FBXL19: variants seen among roughly 807,000 people sequenced by gnomAD.
FBXL19 encodes the protein F-box/LRR-repeat protein 19.
A neutral mutation model predicts 71.2 loss-of-function variants in FBXL19; 16 were observed. The observed-to-expected ratio is 0.22, with a 90% CI of 0.15 to 0.34. The LOEUF (loss-of-function observed/expected upper bound fraction) is 0.34. Among genes scored for constraint, FBXL19 ranks in the 10% least tolerant of loss-of-function variants. The pLI is 1.00. For synonymous variants in FBXL19, 447 were observed against 409.4 expected (o/e 1.09, Z -1.11); for missense variants, 658 against 968.2 (o/e 0.68, Z 4.25).
At chr16:30,943,532 G>A (rs1207744024) in intron 9 of FBXL19, among the ~76,000 whole-genome samples, 1 of 151,698 alleles carries the variant, frequency 6.6e-6, no homozygotes, top group Non-Finnish European at 1.5e-5. Flanking sequence ...CCGCCACCAC[G>A]CCTGGCTAAT....
intron 7 of FBXL19, among the ~76,000 whole-genome samples, chr16:30,936,496 G>A (rs1215585446): frequency 6.6e-6 from 1 of 150,602 alleles, no homozygotes; most frequent in Non-Finnish European, 1.5e-5. Flanking sequence ...GACAATCTCG[G>A]CTCACTGCAA....
chr16:30,946,797 A>C lies in FBXL19; in HGVS notation c.1695A>C (p.Thr565=), dbSNP rs1170154684. ...TGCGTCTGGCAGGTTTGGAGCTGAC[A>C]GATGCCTCCCTGCGTCTCCTGCTGC... ...AELRLAGLEL[T]DASLRLLLRH... Residue 565 remains threonine (T), a synonymous_variant, in exon 10 of 11, where the codon ACA becomes ACC. Coordinates refer to ENST00000338343, the MANE Select transcript of FBXL19 (RefSeq NM_001382779.1). This position sits in a 1 kb window ranked among gnomAD's most constrained non-coding sequence, Gnocchi z 6.7. The C allele has an allele frequency of 1.9e-6, 3 of 1,613,426 alleles. No homozygotes were observed. The South Asian group carries it at 3.3e-5, about 18-fold the overall frequency.
At chr16:30,939,168 T>C (rs571472419) in intron 7 of FBXL19, among the ~76,000 whole-genome samples, 12 of 151,120 alleles carry the variant, frequency 7.9e-5, no homozygotes, top group African/African-American at 2.7e-4. Flanking sequence ...GCCTCCCAGG[T>C]TCATGCCATT....
chr16:30,934,173 C>T (rs1430704865), intron 7 of FBXL19, among the ~76,000 whole-genome samples: 1 of 152,164 alleles, frequency 6.6e-6, no homozygotes, highest in Non-Finnish European at 1.5e-5. Context: ...ACCAGCCTCG[C>T]CAACATGGTG....
chr16:30,923,278 G>A, upstream of FBXL19: 1 of 444,708 alleles, frequency 2.2e-6, no homozygotes, highest in Non-Finnish European at 4.6e-6. Flanking sequence ...TTCTGCAACT[G>A]GGAGCCTCGG....
In FBXL19 at chr16:30,925,990, G is replaced by C. The variant is rs572651984; in HGVS notation, c.177+59G>C. 50 of 1,418,598 alleles carry C rather than the reference G, an allele frequency of 3.5e-5. No homozygotes were observed. The highest frequency in any genetic ancestry group is 1.8e-6 in the Non-Finnish European group (2 of 1,089,424). 87.9% of individuals were successfully genotyped at this position (1,418,598 alleles called of 1,614,324 possible). A position where few individuals can be genotyped will look rare whatever the true frequency, so the allele number is the denominator to read the frequency against. ...CCCTTCCCAATACCTTCTTGGAATG[G>C]CTGGTGACTGCCTCCCAGCCTGTAC... is the stretch of plus-strand genomic sequence containing the variant. On this transcript the variant is annotated intron_variant, in intron 2 of 10. Transcript: ENST00000338343. This position sits in a 1 kb window ranked among gnomAD's most constrained non-coding sequence, Gnocchi z 5.0.
chr16:30,922,945 C>T (rs1019363069), upstream of FBXL19: 16 of 418,696 alleles, frequency 3.8e-5, no homozygotes, highest in African/African-American at 1.6e-4. Flanking sequence ...GTAGTCTCCT[C>T]GTCCTCCTGG....
In FBXL19 at chr16:30,947,226, G is replaced by T; in HGVS notation, c.2021G>T (p.Ser674Ile). 1 of 1,581,316 alleles carries T rather than the reference G, an allele frequency of 6.3e-7. No individual in the cohort carries two copies. The change falls in exon 11 of 11, where the codon AGC becomes ATC. Residue 674 changes from serine (S) to isoleucine (I), a missense_variant. Transcript: ENST00000338343. ...CPEEKLLLKD[S>I] The stretch of plus-strand genomic sequence containing the variant: ...GAGGAGAAGCTGCTTCTCAAGGACA[G>T]CTAGTTGGGCGCCCCCCACCCTCCC...
At chr16:30,928,070 T>TC (rs1403729875) in intron 5 of FBXL19, 107 bp downstream of exon 5, 9 of 737,106 alleles carry the variant, frequency 1.2e-5, no homozygotes, top group South Asian at 2.0e-5. Flanking sequence ...CTCTGTGGGT[T>TC]CCCCAAGGAC....
chr16:30,933,757 T>A (rs1188472363), intron 7 of FBXL19, among the ~76,000 whole-genome samples: 1 of 142,340 alleles, frequency 7.0e-6, no homozygotes, highest in Non-Finnish European at 1.5e-5. Flanking sequence ...GGCCAAGAAC[T>A]TTTTTTTTTT....
chr16:30,929,790 G>A (rs1567338513), intron 6 of FBXL19, among the ~76,000 whole-genome samples: 4 of 152,188 alleles, frequency 2.6e-5, no homozygotes, highest in South Asian at 4.1e-4. Flanking sequence ...TCTTGACCTC[G>A]TGATCCTCCC....
Position 30,930,225 on chromosome 16 carries a change from C to A in FBXL19, c.942C>A (p.Ser314=), listed in dbSNP as rs932317485. 1.2e-6 allele frequency: 2 copies of A among 1,612,934 alleles called. No homozygotes were observed. The highest frequency in any genetic ancestry group is 1.7e-5 in the Admixed American group (1 of 60,012). ...CCTCCTCGGACTCAGACTCCGACTC[C>A]GACTCTTCGGGCACATCGCTGAGTG... The part of the protein sequence containing the change: ...SSSSSDSDSD[S]DSSGTSLSED... Residue 314 remains serine, a synonymous_variant, in exon 7 of 11, where the codon TCC becomes TCA. Transcript: ENST00000338343. The surrounding 1 kb of genome is among the most constrained non-coding windows in gnomAD (Gnocchi z 8.5).
At position 30,942,344 on chromosome 16, in the gene FBXL19, C is replaced by T; in HGVS notation, c.1466-31C>T. 1 of 1,604,990 alleles carries T rather than the reference C, an allele frequency of 6.2e-7. No homozygotes were observed. The highest frequency in any genetic ancestry group is 8.5e-7 in the Non-Finnish European group (1 of 1,174,860). Reference sequence around the variant, plus strand: ...CAGGCCTGGGATGGAGTCCTCACAGCACCTGCTTCCTGACTGCCCCCTCTC... The same window carrying T: ...CAGGCCTGGGATGGAGTCCTCACAGTACCTGCTTCCTGACTGCCCCCTCTC... On this transcript the variant is annotated intron_variant, in intron 8 of 10. Coordinates refer to ENST00000338343, the MANE Select transcript of FBXL19 (RefSeq NM_001382779.1). The surrounding 1 kb of genome is among the most constrained non-coding windows in gnomAD (Gnocchi z 5.7).
At chr16:30,940,318 G>A (rs1342246993) in intron 7 of FBXL19, among the ~76,000 whole-genome samples, 1 of 151,936 alleles carries the variant, frequency 6.6e-6, no homozygotes, top group Non-Finnish European at 1.5e-5. Context: ...TACTCAGGAG[G>A]CTGAGGTAGG....
At chr16:30,933,756 C>CT (rs1029185414) in intron 7 of FBXL19, among the ~76,000 whole-genome samples, 110 of 139,508 alleles carry the variant, frequency 7.9e-4, no homozygotes, top group Middle Eastern at 4.0e-3. Flanking sequence ...CGGCCAAGAA[C>CT]TTTTTTTTTT....
intron 7 of FBXL19, among the ~76,000 whole-genome samples, chr16:30,937,027 C>T (rs2055745821): frequency 6.6e-6 from 1 of 152,144 alleles, no homozygotes; most frequent in Admixed American, 6.6e-5. Context: ...CAGGCGTGAG[C>T]CACCGCACAC....
intron 7 of FBXL19, among the ~76,000 whole-genome samples, chr16:30,936,745 CTT>C (rs77614872): frequency 1.7e-4 from 21 of 122,300 alleles, no homozygotes; most frequent in Non-Finnish European, 1.9e-4. Context: ...CGCGCCCGAC[CTT>C]TTTTTTTTTT....
At chr16:30,929,744 C>T (rs1312945088) in intron 6 of FBXL19, among the ~76,000 whole-genome samples, 2 of 152,122 alleles carry the variant, frequency 1.3e-5, no homozygotes, top group Non-Finnish European at 2.9e-5. Flanking sequence ...TTAGTAGAGA[C>T]AGGGTTTCAC....
At chr16:30,933,141 C>T (rs1165688527) in intron 7 of FBXL19, among the ~76,000 whole-genome samples, 1 of 152,012 alleles carries the variant, frequency 6.6e-6, no homozygotes, top group Non-Finnish European at 1.5e-5. Flanking sequence ...GCTGGGACTA[C>T]AGGCATACGG....
Sources: allele counts gnomAD v4.1 joint callset (sites outside exome capture counted in the v4.1 genomes callset), GRCh38; gene constraint gnomAD v4.1.1; non-coding constraint Gnocchi (gnomAD v3.1); transcripts MANE v1.5; gene names NCBI Gene and HGNC (gene_info 2026-07-23, HGNC 2026-07-21).